Variants in ABHD12 observed in about 807,000 individuals in gnomAD.
The protein encoded by ABHD12 is lysophosphatidylserine lipase ABHD12.
In ABHD12, 43 loss-of-function variants were observed where a neutral mutation model predicts 58.3. The ratio of observed to expected loss-of-function variants is 0.74; its 90% CI spans 0.58 to 0.95. The LOEUF is 0.95. Ranked by LOEUF, ABHD12 falls within the 40% of genes least tolerant of loss-of-function variation. The probability of loss-of-function intolerance (pLI) is 0.00; values close to 1 mark genes in which losing one functional copy is unlikely to be tolerated. For missense variants in ABHD12, 539 were observed against 537.2 expected, an observed-to-expected ratio of 1.00 and a Z score of -0.03; for synonymous variants, 219 against 211.2, an observed-to-expected ratio of 1.04 and a Z score of -0.32.
intron 1 of ABHD12, among the ~76,000 whole-genome samples, chr20:25,387,564 G>A (rs1266751106): frequency 7.7e-6 from 1 of 129,204 alleles, no homozygotes; most frequent in Admixed American, 9.0e-5. Flanking sequence ...CAGCCTGGGG[G>A]CAACATAGTG....
chr20:25,326,187 G>C (rs2089174337), intron 2 of ABHD12, among the ~76,000 whole-genome samples: 1 of 147,786 alleles, frequency 6.8e-6, no homozygotes, highest in South Asian at 2.3e-4. Flanking sequence ...GGTAGGGAGG[G>C]AGTGGGGGGA....
At chr20:25,352,934 C>T (rs1292151843) in intron 1 of ABHD12, among the ~76,000 whole-genome samples, 1 of 152,072 alleles carries the variant, frequency 6.6e-6, no homozygotes, top group African/African-American at 2.4e-5. Context: ...GTCCCAGCTA[C>T]TCTGAAGGCT....
chr20:25,311,296 A>G (rs961388153), intron 6 of ABHD12, among the ~76,000 whole-genome samples: 1 of 152,176 alleles, frequency 6.6e-6, no homozygotes, highest in African/African-American at 2.4e-5. Context: ...TCAGAGAAAA[A>G]GGGAGAGGAG....
Position 25,390,567 on chromosome 20 carries a change from G to C in ABHD12, c.137C>G (p.Ala46Gly), listed in dbSNP as rs1007058021. The C allele has an allele frequency of 1.6e-5, 24 of 1,467,844 alleles. No homozygotes were observed. Among genetic ancestry groups the C allele is most frequent in the Non-Finnish European group, 2.2e-5 (24 of 1,115,480 alleles). 90.9% of individuals were successfully genotyped at this position (1,467,844 alleles called of 1,614,324 possible). Residue 46 changes from alanine (A) to glycine (G), a missense_variant, in exon 1 of 13, where the codon GCG (alanine) becomes GGG (glycine). By Grantham distance (60) the Ala-to-Gly change is moderately conservative. Transcript: ENST00000339157. ...GGCTGCGCAGCGCGGCTCAGCCGCC[G>C]CCGGGCCCGTCAGGCGTAGGTTCTG... ...LKQNLRLTGP[A>G]AAEPRCAADA...
chr20:25,390,478 C>CG, intron 1 of ABHD12, 35 bp downstream of exon 1: 1 of 23,382 alleles, frequency 4.3e-5, no homozygotes, highest in Non-Finnish European at 6.4e-5. Flanking sequence ...GAGGGACCGG[C>CG]CCCCCCCCCC....
In ABHD12 at chr20:25,375,086, A is replaced by C. The variant is rs533652428; in HGVS notation, c.191+15427T>G. Among the ~76,000 whole-genome samples, 4 of 152,332 alleles carry C rather than the reference A, an allele frequency of 2.6e-5. No homozygotes were observed. The South Asian group carries it at 6.2e-4, about 24-fold the overall frequency. ...ACTATGACTCAGCTTTGTAAGAAGA[A>C]ATGCAGAAAGAGCCACACACAGAGG... On this transcript the variant is annotated intron_variant, in intron 1 of 12. Transcript: ENST00000339157.
At chr20:25,337,592 G>A (rs1039035347) in intron 2 of ABHD12, among the ~76,000 whole-genome samples, 1 of 152,222 alleles carries the variant, frequency 6.6e-6, no homozygotes. Context: ...ACCAGGCCAC[G>A]CAGGGCAATG....
chr20:25,294,899 A>G (rs562465392), exon 13 of ABHD12: 43 of 1,551,632 alleles, frequency 2.8e-5, no homozygotes, highest in South Asian at 5.6e-5. Context: ...CCTGCCCTCC[A>G]CTTTCAGCTG....
At chr20:25,314,795 G>T in intron 6 of ABHD12, 130 bp downstream of exon 6, 1 of 1,043,932 alleles carries the variant, frequency 9.6e-7, no homozygotes, top group Non-Finnish European at 1.5e-6. Context: ...TCAGGACCCA[G>T]GACACCATCA....
chr20:25,388,198 T>C (rs1005096758), intron 1 of ABHD12, among the ~76,000 whole-genome samples: 1 of 151,794 alleles, frequency 6.6e-6, no homozygotes, highest in African/African-American at 2.4e-5. Context: ...ATGTCGACAA[T>C]AAAGAGTTTA....
chr20:25,362,915 T>G (rs1428059407), intron 1 of ABHD12, among the ~76,000 whole-genome samples: 1 of 151,964 alleles, frequency 6.6e-6, no homozygotes, highest in Non-Finnish European at 1.5e-5. Context: ...TCAGGTGATC[T>G]GCCCACCTCG....
rs572533384 is a variant in ABHD12 at position 25,338,116 on chromosome 20, A to C, written c.316+1111T>G. Among the ~76,000 whole-genome samples, 139 of 152,228 alleles carry C rather than the reference A, an allele frequency of 9.1e-4. 1 individual carries two copies. The highest frequency in any genetic ancestry group is 2.9e-3 in the African/African-American group (122 of 41,534). On this transcript the variant is annotated intron_variant, in intron 2 of 12. Coordinates refer to ENST00000339157, the MANE Select transcript of ABHD12 (RefSeq NM_001042472.3). ...GTCATCTCCTAAGTTTCTGTGATTA[A>C]GTCTATTATAGACTGAACACCCAAA...
intron 1 of ABHD12, among the ~76,000 whole-genome samples, chr20:25,340,107 A>G (rs2089435836): frequency 1.3e-5 from 2 of 152,206 alleles, no homozygotes; most frequent in African/African-American, 4.8e-5. Flanking sequence ...GACCCTACAG[A>G]GCTTCTGCTC....
chr20:25,306,971 G>A, intron 9 of ABHD12, 56 bp from the exon 10 acceptor site: 1 of 1,281,928 alleles, frequency 7.8e-7, no homozygotes. Flanking sequence ...TCCAGGCACA[G>A]GTCAAGGGTG....
intron 1 of ABHD12, 131 bp downstream of exon 1, chr20:25,390,382 G>T (rs937232415): frequency 4.3e-6 from 4 of 932,576 alleles, no homozygotes; most frequent in African/African-American, 1.8e-5. Context: ...AGGCGCGGAC[G>T]GGGGCGGCCG....
chr20:25,354,832 C>T (rs2089646946), intron 1 of ABHD12, among the ~76,000 whole-genome samples: 1 of 152,160 alleles, frequency 6.6e-6, no homozygotes, highest in Non-Finnish European at 1.5e-5. Flanking sequence ...CTTAGAATGA[C>T]AGTGTTTGGC....
chr20:25,316,486 C>A (rs1002740289), intron 5 of ABHD12, among the ~76,000 whole-genome samples: 1 of 152,020 alleles, frequency 6.6e-6, no homozygotes, highest in African/African-American at 2.4e-5. Context: ...ACACAAGTAA[C>A]GTAACATTGA....
At chr20:25,321,080 C>T (rs980472680) in intron 3 of ABHD12, among the ~76,000 whole-genome samples, 1 of 152,226 alleles carries the variant, frequency 6.6e-6, no homozygotes, top group Non-Finnish European at 1.5e-5. Context: ...TTCTTATTTT[C>T]TAGATCTTAA....
intron 1 of ABHD12, among the ~76,000 whole-genome samples, chr20:25,340,953 T>G (rs188582333): frequency 6.6e-6 from 1 of 152,226 alleles, no homozygotes; most frequent in Non-Finnish European, 1.5e-5. Flanking sequence ...CTCACTGAAC[T>G]GTATACTTAG....
Sources: gnomAD v4.1 joint callset for allele counts (sites outside exome capture counted in the v4.1 genomes callset) on GRCh38, gnomAD v4.1.1 for gene constraint, MANE v1.5 for transcripts, NCBI Gene and HGNC (gene_info 2026-07-23, HGNC 2026-07-21) for gene names.